CTNNA2: variants seen among roughly 807,000 people sequenced by gnomAD.
CTNNA2 encodes catenin alpha 2.
A neutral mutation model predicts 101.0 loss-of-function variants in CTNNA2; 42 were observed. The observed-to-expected ratio is 0.42, with a 90% CI of 0.32 to 0.54. The LOEUF (loss-of-function observed/expected upper bound fraction) is 0.54. Ranked by LOEUF, CTNNA2 falls within the 20% of genes least tolerant of loss-of-function variation. The pLI is 0.14. For missense variants in CTNNA2, 871 were observed against 1,223.1 expected (o/e 0.71, Z 4.29); for synonymous variants, 450 against 456.4 (o/e 0.99, Z 0.18).
intron 7 of CTNNA2, among the ~76,000 whole-genome samples, chr2:79,933,715 A>G (rs915466532): frequency 8.5e-5 from 13 of 152,146 alleles, no homozygotes; most frequent in African/African-American, 3.1e-4. Flanking sequence ...TCGGCCTCCC[A>G]AAGTGCTGGG....
intron 7 of CTNNA2, among the ~76,000 whole-genome samples, chr2:80,272,117 T>C (rs1319697749): frequency 6.6e-6 from 1 of 152,228 alleles, no homozygotes; most frequent in Non-Finnish European, 1.5e-5. Flanking sequence ...AATACATCAT[T>C]TTAGAAAGTA....
intron 6 of CTNNA2, among the ~76,000 whole-genome samples, chr2:79,875,855 TGA>T (rs1360061525): frequency 6.6e-6 from 1 of 152,086 alleles, no homozygotes; most frequent in African/African-American, 2.4e-5. Flanking sequence ...TAGAAAATAA[TGA>T]GAGTTCAAAA....
At chr2:79,271,376 T>A (rs1675078906) in intron 2 of CTNNA2, among the ~76,000 whole-genome samples, 1 of 152,022 alleles carries the variant, frequency 6.6e-6, no homozygotes, top group African/African-American at 2.4e-5. Context: ...AAATAGCTTT[T>A]GTGACATAAC....
chr2:80,244,306 G>GA (rs780083008), intron 7 of CTNNA2, among the ~76,000 whole-genome samples: 35 of 152,310 alleles, frequency 2.3e-4, no homozygotes, highest in Non-Finnish European at 4.4e-4. Context: ...TTCAGAGATA[G>GA]AAAAATCTAC....
intron 3 of CTNNA2, among the ~76,000 whole-genome samples, chr2:79,321,793 G>GCGCACA (rs567823253): frequency 2.0e-5 from 3 of 149,176 alleles, no homozygotes; most frequent in African/African-American, 7.4e-5. Flanking sequence ...CACTGTGTTT[G>GCGCACA]CACACACACA....
intron 9 of CTNNA2, among the ~76,000 whole-genome samples, chr2:80,496,998 G>A (rs1171180116): frequency 3.9e-5 from 6 of 152,108 alleles, no homozygotes; most frequent in Admixed American, 1.3e-4. Context: ...TGAACGAAGC[G>A]CCTGAAAGAA....
At chr2:79,305,369 TAC>T (rs143608398) in intron 2 of CTNNA2, among the ~76,000 whole-genome samples, 4 of 141,184 alleles carry the variant, frequency 2.8e-5, no homozygotes, top group Non-Finnish European at 4.6e-5. Flanking sequence ...TACATATATA[TAC>T]ACATATATAT....
chr2:80,008,411 C>T (rs1289723661), intron 7 of CTNNA2, among the ~76,000 whole-genome samples: 1 of 152,180 alleles, frequency 6.6e-6, no homozygotes, highest in African/African-American at 2.4e-5. Flanking sequence ...ACCTTCTCCC[C>T]AGGCACTCAC....
At chr2:79,369,500 G>A (rs767774759) in intron 3 of CTNNA2, among the ~76,000 whole-genome samples, 5 of 152,032 alleles carry the variant, frequency 3.3e-5, no homozygotes, top group East Asian at 3.9e-4. Flanking sequence ...CCCTGTCTCC[G>A]GCCCATTGTG....
At chr2:80,252,242 C>T (rs541467384) in intron 7 of CTNNA2, among the ~76,000 whole-genome samples, 1 of 152,142 alleles carries the variant, frequency 6.6e-6, no homozygotes, top group Non-Finnish European at 1.5e-5. Context: ...GAACCTTGCA[C>T]ATAGTTACTG....
chr2:80,308,359 G>A (rs1310400373), intron 7 of CTNNA2, among the ~76,000 whole-genome samples: 2 of 152,148 alleles, frequency 1.3e-5, no homozygotes, highest in Admixed American at 6.5e-5. Context: ...TTCTGTCATC[G>A]CTAGCACCAG....
chr2:79,261,427 A>G (rs1344803941), intron 2 of CTNNA2, among the ~76,000 whole-genome samples: 3 of 152,224 alleles, frequency 2.0e-5, no homozygotes, highest in Non-Finnish European at 4.4e-5. Flanking sequence ...ACATATTAAG[A>G]TGCAAAGTTG....
At chr2:80,133,697 T>C (rs1160619158) in intron 7 of CTNNA2, among the ~76,000 whole-genome samples, 1 of 152,192 alleles carries the variant, frequency 6.6e-6, no homozygotes, top group Non-Finnish European at 1.5e-5. Flanking sequence ...ATAGCTCCTG[T>C]TGCATCAGAA....
At chr2:79,713,351 T>G (rs1004483400) in intron 2 of CTNNA2, among the ~76,000 whole-genome samples, 2 of 152,070 alleles carry the variant, frequency 1.3e-5, no homozygotes, top group Non-Finnish European at 2.9e-5. Context: ...GAGGCTGAGG[T>G]GGGAAGGTCG....
At chr2:79,965,984 A>G (rs192379710) in intron 7 of CTNNA2, among the ~76,000 whole-genome samples, 5 of 152,204 alleles carry the variant, frequency 3.3e-5, no homozygotes, top group Admixed American at 2.6e-4. Flanking sequence ...TGAGGGGAAT[A>G]CATACGTATA....
chr2:80,419,641 G>C (rs749074181), intron 9 of CTNNA2, 40 bp downstream of exon 9: 4 of 1,600,342 alleles, frequency 2.5e-6, no homozygotes, highest in Non-Finnish European at 2.6e-6. Context: ...TTTACCGATG[G>C]GTTCAATCTC....
chr2:79,928,389 G>T (rs535964378), intron 7 of CTNNA2, among the ~76,000 whole-genome samples: 1 of 152,292 alleles, frequency 6.6e-6, no homozygotes, highest in African/African-American at 2.4e-5. Flanking sequence ...GGAAAAAATT[G>T]AATAAGTGAG....
chr2:79,356,916 T>C (rs1677520920), intron 3 of CTNNA2, among the ~76,000 whole-genome samples: 1 of 152,196 alleles, frequency 6.6e-6, no homozygotes, highest in South Asian at 2.1e-4. Flanking sequence ...AACATAGTTA[T>C]GATTAAAAAT....
intron 7 of CTNNA2, among the ~76,000 whole-genome samples, chr2:80,195,969 G>T (rs975423177): frequency 3.3e-5 from 5 of 152,068 alleles, no homozygotes; most frequent in African/African-American, 9.7e-5. Flanking sequence ...GCTCTCTATA[G>T]TCCTGAGACA....
Sources: allele counts gnomAD v4.1 joint callset (sites outside exome capture counted in the v4.1 genomes callset), GRCh38; gene constraint gnomAD v4.1.1; transcripts MANE v1.5; gene names NCBI Gene and HGNC (gene_info 2026-07-23, HGNC 2026-07-21).